Variants in OCA2 observed in about 807,000 individuals in gnomAD.
OCA2 encodes P protein.
In OCA2, 77 loss-of-function variants were observed where a neutral mutation model predicts 100.2. The ratio of observed to expected loss-of-function variants is 0.77; its 90% CI spans 0.64 to 0.93. The LOEUF (loss-of-function observed/expected upper bound fraction) is 0.93. Among genes scored for constraint, OCA2 ranks in the 40% least tolerant of loss-of-function variants. OCA2 has a pLI of 0.00. For synonymous variants in OCA2, 432 were observed against 439.2 expected, an observed-to-expected ratio of 0.98 and a Z score of 0.21; for missense variants, 1,062 against 1,089.1, an observed-to-expected ratio of 0.98 and a Z score of 0.35.
At chr15:27,963,405 A>G (rs548667716) in intron 15 of OCA2, among the ~76,000 whole-genome samples, 1 of 152,330 alleles carries the variant, frequency 6.6e-6, no homozygotes, top group African/African-American at 2.4e-5. Flanking sequence ...GCCTCAATAA[A>G]TGTTAAAGGA....
rs189691087 is a variant in OCA2 at position 28,066,433 on chromosome 15, A to G, written c.227+15215T>C. Among the ~76,000 whole-genome samples, 35 of 152,232 alleles carry G rather than the reference A, an allele frequency of 2.3e-4. No individual in the cohort carries two copies. The East Asian group carries it at 6.8e-3, about 29-fold the overall frequency. ...GAGAGGGGGGTGGGAGGCGTTAGATATGCCTCATTATACTCTCCTCCCGTT... is the reference window on the plus strand; with the variant it reads ...GAGAGGGGGGTGGGAGGCGTTAGATGTGCCTCATTATACTCTCCTCCCGTT... On this transcript the variant is annotated intron_variant, in intron 2 of 23. Transcript: ENST00000354638.
At chr15:28,027,369 C>T (rs773349002) in intron 4 of OCA2, among the ~76,000 whole-genome samples, 55 of 152,288 alleles carry the variant, frequency 3.6e-4, no homozygotes, top group Admixed American at 2.2e-3. Flanking sequence ...CCGTGTGCCC[C>T]GGACAAATGC....
chr15:27,983,473 C>T lies in OCA2; in HGVS notation c.1375G>A (p.Val459Met). The T allele has an allele frequency of 6.2e-7, 1 of 1,614,196 alleles. No individual in the cohort carries two copies. The highest frequency in any genetic ancestry group is 8.5e-7 in the Non-Finnish European group (1 of 1,180,048). Residue 459 changes from valine (V) to methionine (M), a missense_variant, in exon 14 of 24, where the codon GTG becomes ATG. Val to Met is a conservative substitution (Grantham distance 21, BLOSUM62 1). Coordinates refer to ENST00000354638, the MANE Select transcript of OCA2 (RefSeq NM_000275.3). Reference protein sequence around the residue: ...FTPVTIRLCEVLNLDPRQVLI... With the variant: ...FTPVTIRLCEMLNLDPRQVLI... ...ACTTGTCTTGGATCAAGGTTGAGCA[C>T]CTCACACAACCTGTCACAAATGGAG... is the stretch of plus-strand genomic sequence containing the variant.
chr15:27,969,157 C>T (rs1010278493), intron 14 of OCA2, among the ~76,000 whole-genome samples: 4 of 151,088 alleles, frequency 2.6e-5, no homozygotes, highest in Non-Finnish European at 2.9e-5. Flanking sequence ...CCCTCTAGAA[C>T]ATAATAACTA....
In OCA2 at chr15:27,898,265, T is replaced by C. The variant is rs1211231160; in HGVS notation, c.2080-26343A>G. Among the ~76,000 whole-genome samples the C allele has an allele frequency of 3.3e-5, 5 of 152,140 alleles. No homozygotes were observed. The East Asian group carries it at 9.6e-4, about 29-fold the overall frequency. ...TGGGAGGGGCCAGGGTGAAATGATA[T>C]GGTTTGGCTGTGTCCCCACCCAAAT... is the stretch of plus-strand genomic sequence containing the variant. On this transcript the variant is annotated intron_variant, in intron 19 of 23. Transcript: ENST00000354638.
intron 21 of OCA2, among the ~76,000 whole-genome samples, chr15:27,862,928 A>G (rs1326990285): frequency 6.6e-6 from 1 of 152,242 alleles, no homozygotes; most frequent in African/African-American, 2.4e-5. Context: ...ATCATAATTC[A>G]TCTAAATATA....
At chr15:27,787,875 T>A (rs1190261202) in intron 23 of OCA2, among the ~76,000 whole-genome samples, 1 of 151,976 alleles carries the variant, frequency 6.6e-6, no homozygotes, top group African/African-American at 2.4e-5. Flanking sequence ...ACTCCATAAA[T>A]TTTCTTCTAA....
intron 2 of OCA2, among the ~76,000 whole-genome samples, chr15:28,067,234 T>A (rs1466681847): frequency 6.6e-6 from 1 of 152,214 alleles, no homozygotes; most frequent in Non-Finnish European, 1.5e-5. Flanking sequence ...CCAATAAAAA[T>A]CCTACCAGGA....
At chr15:27,998,110 A>G (rs1448395928) in intron 9 of OCA2, among the ~76,000 whole-genome samples, 4 of 147,616 alleles carry the variant, frequency 2.7e-5, no homozygotes, top group East Asian at 2.0e-4. Context: ...AGAAAACCTA[A>G]GCAATACCAT....
At position 27,824,602 on chromosome 15, in the gene OCA2, C is replaced by CTCTCTCTCTCTATA; in HGVS notation, c.2432+20356_2432+20357insTATAGAGAGAGAGA. Among the ~76,000 whole-genome samples the CTCTCTCTCTCTATA allele has an allele frequency of 2.7e-4, 13 of 47,590 alleles. 1 individual carries two copies. In the South Asian group the frequency reaches 0.011, roughly 40 times the overall value. The allele number at this position is 47,590 out of a possible 152,430, so 31.2% of individuals were successfully genotyped here. A position where few individuals can be genotyped will look rare whatever the true frequency, so the allele number is the denominator to read the frequency against. The stretch of plus-strand genomic sequence containing the variant: ...TTTCTCTCTCTCTCTCTCTCTCTCT[C>CTCTCTCTCTCTATA]TATATATATATATATATATAATATA... On this transcript the variant is annotated intron_variant, in intron 23 of 23. Transcript: ENST00000354638.
intron 23 of OCA2, among the ~76,000 whole-genome samples, chr15:27,782,177 T>C (rs1284164239): frequency 6.6e-6 from 1 of 152,248 alleles, no homozygotes; most frequent in East Asian, 1.9e-4. Context: ...GAAAGAAGAT[T>C]TATATTTACA....
intron 23 of OCA2, among the ~76,000 whole-genome samples, chr15:27,805,463 A>C (rs1007005453): frequency 6.6e-6 from 1 of 152,186 alleles, no homozygotes; most frequent in Non-Finnish European, 1.5e-5. Flanking sequence ...CCGGTGTAAA[A>C]CGGAAACCAA....
chr15:27,924,444 C>A (rs1472292295), intron 19 of OCA2, among the ~76,000 whole-genome samples: 1 of 151,576 alleles, frequency 6.6e-6, no homozygotes, highest in Non-Finnish European at 1.5e-5. Context: ...ATACATTGCA[C>A]AAAATAATTG....
intron 18 of OCA2, among the ~76,000 whole-genome samples, chr15:27,934,720 G>A (rs1337211523): frequency 1.3e-5 from 2 of 152,122 alleles, no homozygotes; most frequent in Admixed American, 1.3e-4. Flanking sequence ...ATCAATTGTG[G>A]AGGCCTGAGC....
At chr15:27,864,549 C>CA (rs1441931374) in intron 21 of OCA2, among the ~76,000 whole-genome samples, 17 of 152,232 alleles carry the variant, frequency 1.1e-4, no homozygotes, top group Middle Eastern at 3.4e-3. Context: ...ATACCTCCCG[C>CA]AGGGCTATGG....
intron 9 of OCA2, among the ~76,000 whole-genome samples, chr15:27,994,890 G>A (rs1353543524): frequency 6.6e-6 from 1 of 152,140 alleles, no homozygotes; most frequent in African/African-American, 2.4e-5. Flanking sequence ...GGGATACCGA[G>A]CAGATGGAAA....
chr15:27,909,473 A>G (rs550303987), intron 19 of OCA2, among the ~76,000 whole-genome samples: 3 of 152,158 alleles, frequency 2.0e-5, no homozygotes, highest in African/African-American at 7.2e-5. Flanking sequence ...AAAAACTAAA[A>G]AGGGGACATA....
intron 19 of OCA2, among the ~76,000 whole-genome samples, chr15:27,886,602 G>C (rs2037233548): frequency 6.6e-6 from 1 of 152,148 alleles, no homozygotes; most frequent in African/African-American, 2.4e-5. Context: ...CATGGGAAGA[G>C]GAAGTATCAA....
intron 23 of OCA2, among the ~76,000 whole-genome samples, chr15:27,770,488 C>G (rs941475770): frequency 1.3e-5 from 2 of 149,764 alleles, no homozygotes; most frequent in Admixed American, 6.7e-5. Flanking sequence ...GAAGCGACCA[C>G]CTCCCGGCTC....
Sources: gnomAD v4.1 joint callset for allele counts (sites outside exome capture counted in the v4.1 genomes callset) on GRCh38, gnomAD v4.1.1 for gene constraint, MANE v1.5 for transcripts, NCBI Gene and HGNC (gene_info 2026-07-23, HGNC 2026-07-21) for gene names.